The following RAI1 variants were observed in gnomAD, a reference collection of about 807,000 sequenced individuals.
RAI1 encodes the protein retinoic acid induced 1.
A neutral mutation model predicts 123.8 loss-of-function variants in RAI1; 9 were observed. The ratio of observed to expected loss-of-function variants is 0.07; its 90% CI spans 0.04 to 0.13. RAI1 has a LOEUF of 0.13. Among genes scored for constraint, RAI1 ranks in the 10% least tolerant of loss-of-function variants. The pLI is 1.00. For synonymous variants in RAI1, 1,231 were observed against 1,127.3 expected (o/e 1.09, Z -1.84); for missense variants, 2,256 against 2,545.8 (o/e 0.89, Z 2.45).
At chr17:17,771,287 A>ATCC (rs2031147943) in intron 2 of RAI1, among the ~76,000 whole-genome samples, 1 of 152,082 alleles carries the variant, frequency 6.6e-6, no homozygotes, top group South Asian at 2.1e-4. Context: ...TCCATCCATC[A>ATCC]AATTCGTTCA....
chr17:17,752,210 G>A (rs1367883531), intron 2 of RAI1, among the ~76,000 whole-genome samples: 1 of 152,104 alleles, frequency 6.6e-6, no homozygotes, highest in African/African-American at 2.4e-5. Context: ...GCGGGGCGGC[G>A]CGCGGGCGCA....
intron 1 of RAI1, among the ~76,000 whole-genome samples, chr17:17,694,762 G>A (rs1914958376): frequency 6.7e-6 from 1 of 149,718 alleles, no homozygotes; most frequent in South Asian, 2.1e-4. Flanking sequence ...GGCGGGGGGC[G>A]AGGCGGGGCG....
chr17:17,732,713 C>T (rs2142951607), intron 2 of RAI1, among the ~76,000 whole-genome samples: 1 of 152,340 alleles, frequency 6.6e-6, no homozygotes, highest in Admixed American at 6.5e-5. Context: ...CTACTGCTGC[C>T]TGGCGGTCAG....
intron 2 of RAI1, among the ~76,000 whole-genome samples, chr17:17,773,615 G>A (rs752577253): frequency 6.6e-6 from 1 of 152,266 alleles, no homozygotes; most frequent in East Asian, 1.9e-4. Flanking sequence ...ACAATGTGAC[G>A]AAGGGAGGCA....
chr17:17,749,913 G>T (rs2030088079), intron 2 of RAI1, among the ~76,000 whole-genome samples: 1 of 152,230 alleles, frequency 6.6e-6, no homozygotes, highest in Admixed American at 6.5e-5. Context: ...GCACATGCCT[G>T]TACTAGTTAG....
At chr17:17,763,469 G>A (rs1192741371) in intron 2 of RAI1, among the ~76,000 whole-genome samples, 3 of 152,236 alleles carry the variant, frequency 2.0e-5, no homozygotes, top group Admixed American at 1.3e-4. Flanking sequence ...AGCAAGAGGG[G>A]TGAGCTGTGC....
At chr17:17,757,394 G>T (rs1409994452) in intron 2 of RAI1, among the ~76,000 whole-genome samples, 1 of 152,192 alleles carries the variant, frequency 6.6e-6, no homozygotes, top group East Asian at 1.9e-4. Context: ...CACAGAGAGG[G>T]CAGCAACCCT....
chr17:17,748,526 C>T (rs1215225632), intron 2 of RAI1, among the ~76,000 whole-genome samples: 1 of 152,196 alleles, frequency 6.6e-6, no homozygotes, highest in African/African-American at 2.4e-5. Context: ...ACCAACAACC[C>T]TGTGAGATAG....
chr17:17,802,915 C>T (rs1598098207), intron 3 of RAI1, among the ~76,000 whole-genome samples: 1 of 151,918 alleles, frequency 6.6e-6, no homozygotes, highest in Non-Finnish European at 1.5e-5. Flanking sequence ...GAAACTCCGT[C>T]TCTACTAAAA....
At chr17:17,764,116 T>A (rs2142993102) in intron 2 of RAI1, among the ~76,000 whole-genome samples, 1 of 152,330 alleles carries the variant, frequency 6.6e-6, no homozygotes, top group East Asian at 1.9e-4. Context: ...CAGGAAATAT[T>A]TGGTGGTGGT....
At chr17:17,749,767 G>A (rs1050905805) in intron 2 of RAI1, among the ~76,000 whole-genome samples, 3 of 152,186 alleles carry the variant, frequency 2.0e-5, no homozygotes, top group African/African-American at 4.8e-5. Flanking sequence ...TTGCCATACT[G>A]TAAGCTCCAT....
Position 17,799,030 on chromosome 17 carries a change from C to T in RAI1, c.5565+517C>T, listed in dbSNP as rs907613334. ...GCATGGACCCAGTCACAGGGTTCCT[C>T]CCTCTGCAGGACAGTCCATGGGGTC... is the stretch of plus-strand genomic sequence containing the variant. On this transcript the variant is annotated intron_variant, in intron 3 of 5. Transcript: ENST00000353383. This position sits in a 1 kb window ranked among gnomAD's most constrained non-coding sequence, Gnocchi z 4.5. Among the ~76,000 whole-genome samples the T allele has an allele frequency of 6.6e-6, 1 of 152,212 alleles. No individual in the cohort carries two copies. Among genetic ancestry groups the T allele is most frequent in the South Asian group, 2.1e-4 (1 of 4,832 alleles).
intron 2 of RAI1, among the ~76,000 whole-genome samples, chr17:17,764,713 C>T (rs535318796): frequency 6.6e-6 from 1 of 152,270 alleles, no homozygotes; most frequent in East Asian, 1.9e-4. Context: ...ATCTGCTTAC[C>T]TCGGCCTCCC....
chr17:17,734,246 G>T (rs1240315864), intron 2 of RAI1, among the ~76,000 whole-genome samples: 2 of 152,140 alleles, frequency 1.3e-5, no homozygotes, highest in African/African-American at 4.8e-5. Flanking sequence ...ACGACCAAAA[G>T]GGGGCTTGGC....
At position 17,793,538 on chromosome 17, in the gene RAI1, T is replaced by C; in HGVS notation, c.590T>C (p.Ile197Thr). The C allele has an allele frequency of 6.2e-7, 1 of 1,613,952 alleles. No homozygotes were observed. Among genetic ancestry groups the C allele is most frequent in the Non-Finnish European group, 8.5e-7 (1 of 1,180,006 alleles). The change falls in exon 3 of 6, where the codon ATT (isoleucine) becomes ACT (threonine). Residue 197 changes from isoleucine (I) to threonine (T), a missense_variant. By Grantham distance (89) the Ile-to-Thr change is moderately conservative. Around this residue, in one of 7 missense-constraint regions of RAI1, gnomAD observed 336 missense variants for 349.8 expected, o/e 0.96. Coordinates refer to ENST00000353383, the MANE Select transcript of RAI1 (RefSeq NM_030665.4). Reference sequence around the variant, plus strand: ...CAAAGGCAGAAGCTGCAGAACGACATTGCCTCCCCTCTGCCCTTCCCCCAG... The same window carrying C: ...CAAAGGCAGAAGCTGCAGAACGACACTGCCTCCCCTCTGCCCTTCCCCCAG... ...KLQRQKLQNDIASPLPFPQGT... is the reference protein window; with the variant it reads ...KLQRQKLQNDTASPLPFPQGT...
chr17:17,797,140 C>A lies in RAI1; in HGVS notation c.4192C>A (p.Pro1398Thr). Residue 1398 changes from proline (P) to threonine (T), a missense_variant, in exon 3 of 6, where the codon CCG (proline) becomes ACG (threonine). Transcript: ENST00000353383. ...GQKLPTSGAD[P>T]LCRNPTNRSL... is the part of the protein sequence containing the mutation. ...GAAGCTCCCAACTTCTGGGGCTGAT[C>A]CGTTATGCAGAAATCCAACCAACAG... 6.2e-7 allele frequency: 1 copy of A among 1,613,964 alleles called. No homozygotes were observed. Among genetic ancestry groups the A allele is most frequent in the Non-Finnish European group, 8.5e-7 (1 of 1,180,024 alleles).
rs200677855 is a variant in RAI1 at position 17,793,072 on chromosome 17, C to T, written c.124C>T (p.Arg42Trp). The T allele has an allele frequency of 1.2e-5, 19 of 1,613,898 alleles. No homozygotes were observed. Among genetic ancestry groups the T allele is most frequent in the African/African-American group, 2.7e-5 (2 of 75,050 alleles). ...GAGTCAGGCCGGGCTAAGCTGCGACCGGCAGCGGCTGCTCGCCAAGGACTA... is the reference window on the plus strand; with the variant it reads ...GAGTCAGGCCGGGCTAAGCTGCGACTGGCAGCGGCTGCTCGCCAAGGACTA... ...QPSQAGLSCD[R>W]QRLLAKDYYN... is the part of the protein sequence containing the mutation. Residue 42 changes from arginine (R) to tryptophan (W), a missense_variant, in exon 3 of 6, where the codon CGG becomes TGG. Around this residue, in one of 7 missense-constraint regions of RAI1, gnomAD observed 336 missense variants for 349.8 expected, o/e 0.96. Coordinates refer to ENST00000353383, the MANE Select transcript of RAI1 (RefSeq NM_030665.4).
chr17:17,709,754 C>T (rs1170345627), intron 1 of RAI1, among the ~76,000 whole-genome samples: 1 of 152,222 alleles, frequency 6.6e-6, no homozygotes, highest in Non-Finnish European at 1.5e-5. Flanking sequence ...CTGGAGCTTT[C>T]CTCTGAACCT....
At chr17:17,808,653 C>T (rs901758712) in intron 4 of RAI1, among the ~76,000 whole-genome samples, 9 of 151,970 alleles carry the variant, frequency 5.9e-5, no homozygotes, top group African/African-American at 2.2e-4. Flanking sequence ...TGCCATGTTG[C>T]CCAGGCTGGT....
Sources: allele counts gnomAD v4.1 joint callset (sites outside exome capture counted in the v4.1 genomes callset), GRCh38; gene constraint gnomAD v4.1.1; regional missense constraint gnomAD v4.1.1; non-coding constraint Gnocchi (gnomAD v3.1); transcripts MANE v1.5; gene names NCBI Gene and HGNC (gene_info 2026-07-23, HGNC 2026-07-21).